Variants in DHX15 observed in about 807,000 individuals in gnomAD.
The protein encoded by DHX15 is DEAH-box helicase 15.
Under a neutral mutation model 94.4 loss-of-function variants are expected in DHX15, and 11 were observed. The ratio of observed to expected loss-of-function variants is 0.12; its 90% confidence interval spans 0.07 to 0.19. DHX15 has a LOEUF of 0.19. DHX15 is among the 10% of genes least tolerant of loss of function. The probability of loss-of-function intolerance (pLI) is 1.00; values close to 1 mark genes in which losing one functional copy is unlikely to be tolerated. For synonymous variants in DHX15, 338 were observed against 329.9 expected, an observed-to-expected ratio of 1.02 and a Z score of -0.27; for missense variants, 304 against 988.5, an observed-to-expected ratio of 0.31 and a Z score of 9.29.
At chr4:24,579,768 A>G (rs976909889) in intron 1 of DHX15, among the ~76,000 whole-genome samples, 2 of 152,114 alleles carry the variant, frequency 1.3e-5, no homozygotes, top group South Asian at 2.1e-4. Context: ...TGTTGTTGTT[A>G]TTATTACTAT....
intron 12 of DHX15, among the ~76,000 whole-genome samples, chr4:24,531,192 C>T (rs922949394): frequency 5.9e-5 from 9 of 152,060 alleles, no homozygotes; most frequent in Admixed American, 5.2e-4. Flanking sequence ...AGGTTTACGC[C>T]GTTCTCCTGC....
chr4:24,553,928 G>A (rs998059185), intron 5 of DHX15, among the ~76,000 whole-genome samples: 7 of 151,980 alleles, frequency 4.6e-5, no homozygotes, highest in Non-Finnish European at 7.4e-5. Flanking sequence ...GCTTAGAAAC[G>A]CTACATCTGG....
intron 6 of DHX15, among the ~76,000 whole-genome samples, chr4:24,546,005 A>G (rs1721414373): frequency 6.6e-6 from 1 of 152,080 alleles, no homozygotes; most frequent in Non-Finnish European, 1.5e-5. Flanking sequence ...TTTTTTTCTA[A>G]TAGAACCACT....
intron 3 of DHX15, among the ~76,000 whole-genome samples, chr4:24,563,949 CCCAG>C (rs1467645144): frequency 1.3e-5 from 2 of 151,704 alleles, no homozygotes; most frequent in African/African-American, 2.4e-5. Context: ...CAGCTGTAGT[CCCAG>C]CTACTTGGGA....
At chr4:24,551,478 T>A (rs1721603265) in intron 5 of DHX15, among the ~76,000 whole-genome samples, 1 of 152,204 alleles carries the variant, frequency 6.6e-6, no homozygotes, top group Admixed American at 6.5e-5. Flanking sequence ...TCAGTTTTTT[T>A]TAAAGGTTAT....
chr4:24,544,910 A>C (rs1392608092), intron 6 of DHX15, among the ~76,000 whole-genome samples: 1 of 152,004 alleles, frequency 6.6e-6, no homozygotes, highest in African/African-American at 2.4e-5. Context: ...GGAGTTTGAG[A>C]CAAGCCTGGA....
At chr4:24,550,424 C>CACAA (rs1009992847) in intron 5 of DHX15, among the ~76,000 whole-genome samples, 1 of 152,090 alleles carries the variant, frequency 6.6e-6, no homozygotes, top group Non-Finnish European at 1.5e-5. Context: ...TAGCTTAAAA[C>CACAA]ACAAACACAC....
Position 24,527,776 on chromosome 4 carries a change from C to G in DHX15, c.*148G>C. 1 of 558,004 alleles carries G rather than the reference C, an allele frequency of 1.8e-6. No homozygotes were observed. Among genetic ancestry groups the G allele is most frequent in the South Asian group, 2.8e-5 (1 of 35,436 alleles). 34.6% of individuals were successfully genotyped at this position (558,004 alleles called of 1,614,324 possible). A position where few individuals can be genotyped will look rare whatever the true frequency, so the allele number is the denominator to read the frequency against. On this transcript the variant is annotated 3_prime_UTR_variant, in exon 14 of 14. Transcript: ENST00000336812. ...GGCATAAATGTTTAATTTATGAAAT[C>G]AGAATGGAATATTTACTGTAAAGAA... is the stretch of plus-strand genomic sequence containing the variant.
chr4:24,549,136 T>C, intron 5 of DHX15, 114 bp from the exon 6 acceptor site: 12 of 809,312 alleles, frequency 1.5e-5, no homozygotes, highest in South Asian at 3.7e-5. Flanking sequence ...ACTTCATGGA[T>C]ACCCTGTTTT....
At chr4:24,536,027 C>G (rs991056173) in intron 11 of DHX15, among the ~76,000 whole-genome samples, 1 of 152,088 alleles carries the variant, frequency 6.6e-6, no homozygotes, top group Non-Finnish European at 1.5e-5. Flanking sequence ...AATGTCAGAT[C>G]CAGTTGCAAT....
chr4:24,536,008 TAAA>T (rs534771311), intron 11 of DHX15, among the ~76,000 whole-genome samples: 67 of 149,838 alleles, frequency 4.5e-4, no homozygotes, highest in African/African-American at 1.6e-3. Context: ...GGCTATCAGT[TAAA>T]AAAAAAATGT....
intron 1 of DHX15, among the ~76,000 whole-genome samples, chr4:24,580,168 G>C (rs80237812): frequency 0.064 from 9,805 of 152,230 alleles, 392 homozygotes; most frequent in African/African-American, 0.11. Context: ...AGTGCTTTGG[G>C]AGGCCCAAGT....
chr4:24,569,178 T>C (rs1333023152), intron 3 of DHX15, among the ~76,000 whole-genome samples: 3 of 152,324 alleles, frequency 2.0e-5, no homozygotes, highest in Non-Finnish European at 4.4e-5. Context: ...ATATAATTAT[T>C]TGGTATCTAA....
intron 1 of DHX15, among the ~76,000 whole-genome samples, chr4:24,579,032 T>C (rs1223605049): frequency 6.6e-6 from 1 of 152,180 alleles, no homozygotes; most frequent in Non-Finnish European, 1.5e-5. Context: ...GCCCACTTCA[T>C]CAGATGCTTC....
intron 2 of DHX15, 102 bp downstream of exon 2, chr4:24,576,141 T>C (rs1722262710): frequency 2.2e-6 from 2 of 893,066 alleles, no homozygotes; most frequent in South Asian, 3.4e-5. Flanking sequence ...CTTCAAGATG[T>C]TCTATAGGAC....
chr4:24,567,572 G>A (rs1464146935), intron 3 of DHX15, among the ~76,000 whole-genome samples: 31 of 145,720 alleles, frequency 2.1e-4, no homozygotes, highest in African/African-American at 7.1e-4. Flanking sequence ...GCAAGACTCC[G>A]TCTCCAAAAA....
intron 11 of DHX15, chr4:24,533,417 T>C (rs927441546): frequency 3.5e-6 from 1 of 282,436 alleles, no homozygotes; most frequent in African/African-American, 2.2e-5. Flanking sequence ...TCATTTTCAA[T>C]GAAACTACAG....
intron 3 of DHX15, among the ~76,000 whole-genome samples, chr4:24,566,574 C>T (rs1045988497): frequency 1.3e-5 from 2 of 152,082 alleles, no homozygotes; most frequent in African/African-American, 4.8e-5. Context: ...GCCTGTAATC[C>T]CAGCACTTTG....
chr4:24,581,961 T>C (rs1378309339), intron 1 of DHX15, among the ~76,000 whole-genome samples: 1 of 151,966 alleles, frequency 6.6e-6, no homozygotes, highest in Admixed American at 6.6e-5. Context: ...ATAAGTGAAA[T>C]CTCCCACTGA....
Sources: allele counts gnomAD v4.1 joint callset (sites outside exome capture counted in the v4.1 genomes callset), GRCh38; gene constraint gnomAD v4.1.1; transcripts MANE v1.5; gene names NCBI Gene and HGNC (gene_info 2026-07-23, HGNC 2026-07-21).